The following CSMD3 variants were observed in gnomAD, a reference collection of about 807,000 sequenced individuals.
CSMD3 encodes the protein CUB and sushi domain-containing protein 3.
CSMD3 carries 177 observed loss-of-function variants against 435.2 expected under a neutral mutation model. The observed-to-expected ratio is 0.41, with a 90% confidence interval of 0.36 to 0.46. CSMD3 has a LOEUF of 0.46. CSMD3 is among the 20% of genes least tolerant of loss of function. The probability of loss-of-function intolerance (pLI) is 0.34; values close to 1 mark genes in which losing one functional copy is unlikely to be tolerated. For synonymous variants in CSMD3, 1,656 were observed against 1,520.5 expected (o/e 1.09, Z -2.07); for missense variants, 4,265 against 4,504.6 (o/e 0.95, Z 1.52).
At chr8:113,229,591 G>T (rs1002064571) in intron 3 of CSMD3, among the ~76,000 whole-genome samples, 3 of 151,532 alleles carry the variant, frequency 2.0e-5, no homozygotes, top group Non-Finnish European at 4.4e-5. Context: ...GATGTAACCT[G>T]AGCTCACAGT....
intron 5 of CSMD3, among the ~76,000 whole-genome samples, chr8:113,091,005 G>GCA (rs1564303627): frequency 1.3e-5 from 2 of 151,936 alleles, no homozygotes; most frequent in Non-Finnish European, 2.9e-5. Context: ...TTCAATTTCT[G>GCA]GTCACTGCAC....
rs200083202 is a variant in CSMD3 at position 113,305,555 on chromosome 8, TC to T, written c.401+9015del. On this transcript the variant is annotated intron_variant, in intron 2 of 70. Transcript: ENST00000297405. ...TTGCTTATTGTCATCTTTTGTTTGA[TC>T]TTTTAACCCCAGTTTTAATGGTTTA... 8.3e-3 allele frequency among the ~76,000 whole-genome samples: 1,263 copies of T among 152,314 alleles called. 17 individuals are homozygous for T. The highest frequency in any genetic ancestry group is 0.028 in the African/African-American group (1,183 of 41,580).
chr8:112,670,709 G>C (rs1045761840), intron 16 of CSMD3, among the ~76,000 whole-genome samples: 1 of 152,026 alleles, frequency 6.6e-6, no homozygotes, highest in Non-Finnish European at 1.5e-5. Context: ...CACCAAAATG[G>C]GAAACACGGA....
At chr8:112,771,919 CT>C (rs1192955215) in intron 13 of CSMD3, among the ~76,000 whole-genome samples, 2 of 151,944 alleles carry the variant, frequency 1.3e-5, no homozygotes, top group African/African-American at 2.4e-5. Flanking sequence ...AATTTTCCCC[CT>C]GAAAGCAACC....
At chr8:113,066,508 T>C (rs1475058509) in intron 5 of CSMD3, among the ~76,000 whole-genome samples, 1 of 152,166 alleles carries the variant, frequency 6.6e-6, no homozygotes, top group Non-Finnish European at 1.5e-5. Context: ...TTAGTTAGCA[T>C]AAGAGAATTC....
At chr8:112,566,812 A>C (rs1045339722) in intron 24 of CSMD3, among the ~76,000 whole-genome samples, 2 of 152,114 alleles carry the variant, frequency 1.3e-5, no homozygotes, top group African/African-American at 4.8e-5. Context: ...AAATAAGATT[A>C]GGGTGGGGCA....
intron 13 of CSMD3, among the ~76,000 whole-genome samples, chr8:112,778,570 T>C (rs2132231745): frequency 6.6e-6 from 1 of 152,060 alleles, no homozygotes; most frequent in South Asian, 2.1e-4. Flanking sequence ...ATAGTTTATT[T>C]ATCCATTCAC....
chr8:112,926,952 A>T (rs1387814032), intron 9 of CSMD3, among the ~76,000 whole-genome samples: 1 of 152,170 alleles, frequency 6.6e-6, no homozygotes, highest in Non-Finnish European at 1.5e-5. Flanking sequence ...TTTCAAAATT[A>T]TCACTGTACA....
At chr8:112,405,097 G>A (rs534965125) in intron 35 of CSMD3, among the ~76,000 whole-genome samples, 1 of 145,658 alleles carries the variant, frequency 6.9e-6, no homozygotes, top group East Asian at 2.1e-4. Context: ...TGAGGCAGGA[G>A]GCTTTAACCT....
chr8:113,342,958 AGAG>A (rs1314922598), intron 1 of CSMD3, among the ~76,000 whole-genome samples: 1 of 152,106 alleles, frequency 6.6e-6, no homozygotes, highest in Non-Finnish European at 1.5e-5. Flanking sequence ...ATAATTAAGA[AGAG>A]GAGAAGGAGG....
intron 22 of CSMD3, among the ~76,000 whole-genome samples, chr8:112,599,866 T>A (rs12542983): frequency 0.6 from 66,434 of 111,550 alleles, 19,220 homozygotes; most frequent in African/African-American, 0.69. Flanking sequence ...CTGGGGACTG[T>A]GGTGGGGTGG....
chr8:112,254,953 C>T lies in CSMD3; in HGVS notation c.10036+301G>A, dbSNP rs190743148. ...ATTTCATATGAAGATTCTTTATTAA[C>T]TATAAAAATCTAAGTAAAATGTTAG... On this transcript the variant is annotated intron_variant, in intron 62 of 70. Coordinates refer to ENST00000297405, the MANE Select transcript of CSMD3 (RefSeq NM_198123.2). Among the ~76,000 whole-genome samples, 1,006 of 152,104 alleles carry T rather than the reference C, an allele frequency of 6.6e-3. 6 individuals carry two copies. Among genetic ancestry groups the T allele is most frequent in the Non-Finnish European group, 9.8e-3 (665 of 67,950 alleles).
chr8:113,381,123 AT>A (rs1176523969), intron 1 of CSMD3, among the ~76,000 whole-genome samples: 17 of 152,128 alleles, frequency 1.1e-4, no homozygotes, highest in Admixed American at 1.1e-3. Context: ...ATTTTAGAAG[AT>A]TTTTTTCTTT....
intron 1 of CSMD3, among the ~76,000 whole-genome samples, chr8:113,386,164 A>G (rs1461381259): frequency 1.3e-5 from 2 of 152,016 alleles, no homozygotes; most frequent in Non-Finnish European, 2.9e-5. Flanking sequence ...GCAGGAGAAG[A>G]TGTGCCAGTG....
At chr8:112,514,090 A>C (rs1242989856) in intron 28 of CSMD3, among the ~76,000 whole-genome samples, 1 of 152,160 alleles carries the variant, frequency 6.6e-6, no homozygotes, top group East Asian at 1.9e-4. Context: ...ACAAGGTCTT[A>C]CTATGTTGCC....
At chr8:112,761,500 A>G (rs896076567) in intron 13 of CSMD3, among the ~76,000 whole-genome samples, 1 of 152,060 alleles carries the variant, frequency 6.6e-6, no homozygotes, top group African/African-American at 2.4e-5. Flanking sequence ...ATTTTTCATG[A>G]TAAGTGTTAC....
chr8:112,783,390 G>A (rs1436902785), intron 13 of CSMD3, among the ~76,000 whole-genome samples: 3 of 102,082 alleles, frequency 2.9e-5, no homozygotes, highest in Admixed American at 1.0e-4. Flanking sequence ...GCACATAAAC[G>A]AAGGAAGGAA....
intron 30 of CSMD3, among the ~76,000 whole-genome samples, chr8:112,496,622 C>T (rs1239136353): frequency 6.6e-6 from 1 of 152,032 alleles, no homozygotes; most frequent in African/African-American, 2.4e-5. Context: ...ACTATTCAGC[C>T]ATAAAAAAGA....
chr8:112,446,428 A>G (rs2130552529), intron 32 of CSMD3, among the ~76,000 whole-genome samples: 1 of 152,358 alleles, frequency 6.6e-6, no homozygotes, highest in South Asian at 2.1e-4. Context: ...TGCACATAAG[A>G]ATTTTTACTT....
Sources: gnomAD v4.1 joint callset for allele counts (sites outside exome capture counted in the v4.1 genomes callset) on GRCh38, gnomAD v4.1.1 for gene constraint, MANE v1.5 for transcripts, NCBI Gene and HGNC (gene_info 2026-07-23, HGNC 2026-07-21) for gene names.